Variants in ZBTB8A observed in about 807,000 individuals in gnomAD.
The protein encoded by ZBTB8A is zinc finger and BTB domain-containing protein 8A.
In ZBTB8A, 19 loss-of-function variants were observed where a neutral mutation model predicts 37.8. The ratio of observed to expected loss-of-function variants is 0.50; its 90% CI spans 0.35 to 0.74. The LOEUF (loss-of-function observed/expected upper bound fraction) is 0.74, where lower values mean the gene tolerates loss of function less well. Ranked by LOEUF, ZBTB8A falls within the 30% of genes least tolerant of loss-of-function variation. ZBTB8A has a pLI of 0.01. For missense variants in ZBTB8A, 394 were observed against 537.8 expected, an observed-to-expected ratio of 0.73 and a Z score of 2.65; for synonymous variants, 181 against 185.2, an observed-to-expected ratio of 0.98 and a Z score of 0.19.
chr1:32,558,551 A>G (rs996554163), intron 2 of ZBTB8A, among the ~76,000 whole-genome samples: 3 of 152,018 alleles, frequency 2.0e-5, no homozygotes, highest in Non-Finnish European at 4.4e-5. Context: ...AAAAGAAATC[A>G]TGTAGGGAGC....
intron 1 of ZBTB8A, among the ~76,000 whole-genome samples, chr1:32,550,371 T>C (rs1644142318): frequency 6.6e-6 from 1 of 152,080 alleles, no homozygotes; most frequent in Admixed American, 6.6e-5. Context: ...CCCAACACTT[T>C]GGGAGGCCAA....
At chr1:32,561,838 AG>A (rs1644245804) in intron 2 of ZBTB8A, among the ~76,000 whole-genome samples, 1 of 152,182 alleles carries the variant, frequency 6.6e-6, no homozygotes, top group East Asian at 1.9e-4. Context: ...TGTAGGTACC[AG>A]GTTTAAGACT....
chr1:32,596,974 C>T (rs1484223656), intron 4 of ZBTB8A, among the ~76,000 whole-genome samples: 2 of 151,970 alleles, frequency 1.3e-5, no homozygotes, highest in Non-Finnish European at 2.9e-5. Flanking sequence ...TGCGGCTGTC[C>T]AACCAAAGGA....
At chr1:32,593,828 C>T (rs1048210318) in intron 3 of ZBTB8A, 74 bp downstream of exon 3, 10 of 1,186,600 alleles carry the variant, frequency 8.4e-6, no homozygotes, top group Non-Finnish European at 1.2e-5. Flanking sequence ...GTCAAAACAC[C>T]CTTAGTTTCA....
rs746044257 is a variant in ZBTB8A, at chr1:32,593,089, T to C, written c.158T>C (p.Leu53Pro). ...FASSGYFKML[L>P]SQNSKETSQP... is the part of the protein sequence containing the mutation. ...AGTAGCGGCTACTTTAAAATGCTTC[T>C]TTCTCAGAATTCAAAGGAGACGAGT... is the stretch of plus-strand genomic sequence containing the variant. Residue 53 changes from leucine to proline, a missense_variant, in exon 3 of 5, where the codon CTT (leucine) becomes CCT (proline). Physicochemically the swap from Leu to Pro is moderately conservative, Grantham distance 98 (BLOSUM62 -3). Around this residue, in one of 4 missense-constraint regions of ZBTB8A, gnomAD observed 96 missense variants for 165.6 expected, o/e 0.58. Transcript: ENST00000373510. The C allele has an allele frequency of 6.2e-7, 1 of 1,614,178 alleles. No individual in the cohort carries two copies. Among genetic ancestry groups the C allele is most frequent in the South Asian group, 1.1e-5 (1 of 91,086 alleles).
At position 32,547,626 on chromosome 1, in the gene ZBTB8A, C is replaced by CAAAA. The variant is rs745418265; in HGVS notation, c.-83-5819_-83-5816dup. Among the ~76,000 whole-genome samples, 6 of 98,928 alleles carry CAAAA rather than the reference C, an allele frequency of 6.1e-5. No individual in the cohort carries two copies. In the East Asian group the frequency reaches 1.4e-3, roughly 23 times the overall value. The allele number at this position is 98,928 out of a possible 152,430, so 64.9% of individuals were successfully genotyped here. A position where few individuals can be genotyped will look rare whatever the true frequency, so the allele number is the denominator to read the frequency against. On this transcript the variant is annotated intron_variant, in intron 1 of 4. Coordinates refer to ENST00000373510, the MANE Select transcript of ZBTB8A (RefSeq NM_001040441.3). ...TGAGTGACAGAGCAAGTCTGTATCT[C>CAAAA]AAAAAAAAAAAAAAAAAGAAAGAAA...
At chr1:32,596,185 T>G (rs1010137544) in intron 4 of ZBTB8A, among the ~76,000 whole-genome samples, 1 of 151,608 alleles carries the variant, frequency 6.6e-6, no homozygotes. Flanking sequence ...CTGGCTAACA[T>G]GGTGAAACCC....
chr1:32,560,163 T>G (rs1445465052), intron 2 of ZBTB8A, among the ~76,000 whole-genome samples: 2 of 151,984 alleles, frequency 1.3e-5, no homozygotes, highest in Admixed American at 1.3e-4. Flanking sequence ...CACTATACAG[T>G]ATCAAGGGGG....
In ZBTB8A at chr1:32,548,232, A is replaced by T. The variant is rs901864738; in HGVS notation, c.-83-5227A>T. 7.2e-5 allele frequency among the ~76,000 whole-genome samples: 11 copies of T among 151,770 alleles called. No individual in the cohort carries two copies. The East Asian group carries it at 2.1e-3, about 29-fold the overall frequency. On this transcript the variant is annotated intron_variant, in intron 1 of 4. Coordinates refer to ENST00000373510, the MANE Select transcript of ZBTB8A (RefSeq NM_001040441.3). ...GTCGAGGGTTGCTATTCCCAGGTAC[A>T]CATGTAGTTTTGAAATGATCGCTCT... is the stretch of plus-strand genomic sequence containing the variant.
intron 2 of ZBTB8A, among the ~76,000 whole-genome samples, chr1:32,572,266 T>G (rs1249805819): frequency 1.3e-5 from 2 of 152,194 alleles, no homozygotes; most frequent in Non-Finnish European, 2.9e-5. Context: ...AATTCAACAC[T>G]GAAGCCATTT....
At chr1:32,544,814 G>A (rs1459591300) in intron 1 of ZBTB8A, among the ~76,000 whole-genome samples, 2 of 152,170 alleles carry the variant, frequency 1.3e-5, no homozygotes, top group African/African-American at 2.4e-5. Flanking sequence ...GTTATGCGGC[G>A]CGTGACCATA....
rs149661029 is a variant in ZBTB8A at position 32,540,338 on chromosome 1, C to T, written c.-84+766C>T. Among the ~76,000 whole-genome samples, 306 of 152,286 alleles carry T rather than the reference C, an allele frequency of 2.0e-3. 1 individual carries two copies. The highest frequency in any genetic ancestry group is 7.2e-3 in the African/African-American group (298 of 41,564). On this transcript the variant is annotated intron_variant, in intron 1 of 4. Coordinates refer to ENST00000373510, the MANE Select transcript of ZBTB8A (RefSeq NM_001040441.3). ...CGCGTTTGGAAGCGGTAGATTCACA[C>T]ACACCTGGTGGGCTTCTAACCACAC...
intron 2 of ZBTB8A, among the ~76,000 whole-genome samples, chr1:32,575,516 C>T (rs1240468992): frequency 1.3e-5 from 2 of 151,752 alleles, no homozygotes; most frequent in East Asian, 1.9e-4. Context: ...TGAGCCACCG[C>T]GCCCGGCCCA....
In ZBTB8A at chr1:32,600,542, A is replaced by T. The variant is rs990465070; in HGVS notation, c.*123A>T. 1.4e-6 allele frequency: 1 copy of T among 739,334 alleles called. No homozygotes were observed. Among genetic ancestry groups the T allele is most frequent in the African/African-American group, 1.8e-5 (1 of 56,334 alleles). 45.8% of individuals were successfully genotyped at this position (739,334 alleles called of 1,614,324 possible). ...ACACTGACTTTAAAGAAATGATCTG[A>T]TATAACTTGCATGCTTTCTGAACAG... is the stretch of plus-strand genomic sequence containing the variant. On this transcript the variant is annotated 3_prime_UTR_variant, in exon 5 of 5. Coordinates refer to ENST00000373510, the MANE Select transcript of ZBTB8A (RefSeq NM_001040441.3).
Position 32,593,077 on chromosome 1 carries a change from T to C in ZBTB8A, c.146T>C (p.Phe49Ser). The stretch of plus-strand genomic sequence containing the variant: ...GTATTATTCGCTAGTAGCGGCTACT[T>C]TAAAATGCTTCTTTCTCAGAATTCA... Reference protein sequence around the residue: ...RNVLFASSGYFKMLLSQNSKE... With the variant: ...RNVLFASSGYSKMLLSQNSKE... Residue 49 changes from phenylalanine (F) to serine (S), a missense_variant, in exon 3 of 5, where the codon TTT becomes TCT. By Grantham distance (155) the Phe-to-Ser change is radical. Transcript: ENST00000373510. The C allele has an allele frequency of 6.2e-7, 1 of 1,614,164 alleles. No individual in the cohort carries two copies. The highest frequency in any genetic ancestry group is 1.3e-5 in the African/African-American group (1 of 75,038).
intron 2 of ZBTB8A, among the ~76,000 whole-genome samples, chr1:32,556,693 A>G (rs890867254): frequency 6.6e-6 from 1 of 152,084 alleles, no homozygotes; most frequent in African/African-American, 2.4e-5. Flanking sequence ...TCCAGCCAAC[A>G]TAGTGAAACC....
intron 2 of ZBTB8A, among the ~76,000 whole-genome samples, chr1:32,556,404 G>T (rs537731305): frequency 5.4e-4 from 81 of 151,234 alleles, no homozygotes; most frequent in Non-Finnish European, 9.0e-4. Context: ...GTCTTGCTCT[G>T]TTGCCCAGGC....
At chr1:32,567,307 T>G (rs550569580) in intron 2 of ZBTB8A, among the ~76,000 whole-genome samples, 6 of 152,208 alleles carry the variant, frequency 3.9e-5, no homozygotes, top group African/African-American at 1.4e-4. Context: ...CATGATCCAG[T>G]CACATTCCAC....
At chr1:32,586,115 T>G (rs185629271) in intron 2 of ZBTB8A, among the ~76,000 whole-genome samples, 39 of 151,952 alleles carry the variant, frequency 2.6e-4, no homozygotes, top group Non-Finnish European at 4.6e-4. Flanking sequence ...TTTGGGAGTT[T>G]GAGACCACCC....
Sources: gnomAD v4.1 joint callset for allele counts (sites outside exome capture counted in the v4.1 genomes callset) on GRCh38, gnomAD v4.1.1 for gene constraint, gnomAD v4.1.1 regional missense constraint, MANE v1.5 for transcripts, NCBI Gene and HGNC (gene_info 2026-07-23, HGNC 2026-07-21) for gene names.